The following IQSEC3 variants were observed in gnomAD, a reference collection of about 807,000 sequenced individuals.
IQSEC3 encodes the protein IQ motif and Sec7 domain ArfGEF 3, also known as IQ motif and SEC7 domain-containing protein 3.
IQSEC3 carries 50 observed loss-of-function variants against 105.4 expected under a neutral mutation model. The observed-to-expected ratio is 0.47, with a 90% CI of 0.38 to 0.60. The LOEUF (loss-of-function observed/expected upper bound fraction) is 0.60. Among genes scored for constraint, IQSEC3 ranks in the 20% least tolerant of loss-of-function variants. The probability of loss-of-function intolerance (pLI) is 0.00; values close to 1 mark genes in which losing one functional copy is unlikely to be tolerated. For synonymous variants in IQSEC3, 708 were observed against 746.0 expected, an observed-to-expected ratio of 0.95 and a Z score of 0.83; for missense variants, 1,415 against 1,630.0, an observed-to-expected ratio of 0.87 and a Z score of 2.27.
chr12:140,443 C>T (rs1469702280), intron 4 of IQSEC3: 12 of 152,222 alleles, frequency 7.9e-5, no homozygotes, highest in Admixed American at 7.9e-4. Flanking sequence ...CATGAAAACT[C>T]ATACAGACAC....
intron 13 of IQSEC3, among the ~76,000 whole-genome samples, chr12:174,000 C>T (rs1014834703): frequency 1.3e-5 from 2 of 152,202 alleles, no homozygotes; most frequent in East Asian, 1.9e-4. Flanking sequence ...GCTGACTCTG[C>T]CCTCGGCTGT....
At chr12:112,714 C>T (rs1864932619) in intron 2 of IQSEC3, among the ~76,000 whole-genome samples, 1 of 152,142 alleles carries the variant, frequency 6.6e-6, no homozygotes, top group Non-Finnish European at 1.5e-5. Flanking sequence ...TTCTGCATGG[C>T]CAGGGATGGG....
chr12:77,114 G>A (rs1555069381), intron 1 of IQSEC3, among the ~76,000 whole-genome samples: 2 of 152,254 alleles, frequency 1.3e-5, no homozygotes, highest in Non-Finnish European at 1.5e-5. Context: ...CGTGTTTCCC[G>A]CGCACAGCCC....
chr12:149,646 G>A (rs1336278749), intron 5 of IQSEC3, among the ~76,000 whole-genome samples: 2 of 152,188 alleles, frequency 1.3e-5, no homozygotes, highest in African/African-American at 4.8e-5. Context: ...TAGCCTCGTG[G>A]GGAAGACAGG....
In IQSEC3 at chr12:102,429, G is replaced by A. The variant is rs141299164; in HGVS notation, c.623+3215G>A. ...CCTCCTCTGCAGTCTGGCTAAGGCC[G>A]GCCCCCACTCCAGCTCCGGGGCTGA... On this transcript the variant is annotated intron_variant, in intron 2 of 13. Transcript: ENST00000538872. Among the ~76,000 whole-genome samples, 1,183 of 152,306 alleles carry A rather than the reference G, an allele frequency of 7.8e-3. 3 individuals are homozygous for A. The highest frequency in any genetic ancestry group is 0.01 in the Non-Finnish European group (686 of 68,024).
At chr12:98,178 G>A (rs553545930) in intron 1 of IQSEC3, among the ~76,000 whole-genome samples, 13 of 152,262 alleles carry the variant, frequency 8.5e-5, no homozygotes, top group African/African-American at 2.6e-4. Flanking sequence ...GCAATGGGTC[G>A]GTGTATCTTT....
chr12:75,838 C>T (rs1473748324), intron 1 of IQSEC3, among the ~76,000 whole-genome samples: 1 of 152,266 alleles, frequency 6.6e-6, no homozygotes, highest in African/African-American at 2.4e-5. Flanking sequence ...CTGGGTCCAA[C>T]AGCACAGCTC....
At chr12:88,290 CTT>C (rs1863980162) in intron 1 of IQSEC3, among the ~76,000 whole-genome samples, 1 of 152,168 alleles carries the variant, frequency 6.6e-6, no homozygotes, top group Non-Finnish European at 1.5e-5. Flanking sequence ...CACTGGGCCT[CTT>C]CGGAGTACAA....
chr12:171,042 G>A, intron 12 of IQSEC3, 70 bp from the exon 13 acceptor site: 2 of 1,584,352 alleles, frequency 1.3e-6, no homozygotes, highest in Non-Finnish European at 1.7e-6. Flanking sequence ...GATGCTTGAG[G>A]GGCACAGGGG....
Position 174,764 on chromosome 12 carries a change from C to T in IQSEC3, c.3280C>T (p.Gln1094Ter). 1 of 1,591,254 alleles carries T rather than the reference C, an allele frequency of 6.3e-7. No individual in the cohort carries two copies. Among genetic ancestry groups the T allele is most frequent in the Non-Finnish European group, 8.5e-7 (1 of 1,177,226 alleles). ...PTPPGTLVQC[Q>*]QIVKVIVLDK... is the part of the protein sequence containing the mutation. ...GCCCCCGGGCACCCTGGTGCAGTGC[C>T]AGCAAATTGTCAAGGTCATTGTCCT... Residue 1094 changes from glutamine to a stop codon, truncating the protein, a stop_gained, in exon 14 of 14, where the codon CAG (glutamine) becomes TAG (stop). Coordinates refer to ENST00000538872, the MANE Select transcript of IQSEC3 (RefSeq NM_001170738.2). LOFTEE classifies it high-confidence loss of function.
intron 1 of IQSEC3, among the ~76,000 whole-genome samples, chr12:86,226 G>T (rs1379308117): frequency 1.3e-5 from 2 of 152,184 alleles, no homozygotes; most frequent in East Asian, 1.9e-4. Flanking sequence ...TTGGGGGTGA[G>T]CACAAAACAA....
Position 174,673 on chromosome 12 carries a change from G to A in IQSEC3, c.3189G>A (p.Pro1063=), listed in dbSNP as rs780154834. ...GGGCCGAGAGGGGAGCGCCGGTGCC[G>A]CCGCCAGACCTGCAGCCTAGCCCCC... is the stretch of plus-strand genomic sequence containing the variant. The part of the protein sequence containing the change: ...GLGAERGAPV[P]PPDLQPSPPR... The change falls in exon 14 of 14, where the codon CCG becomes CCA. Residue 1063 remains proline, a synonymous_variant. Coordinates refer to ENST00000538872, the MANE Select transcript of IQSEC3 (RefSeq NM_001170738.2). 1.8e-5 allele frequency: 29 copies of A among 1,589,458 alleles called. No homozygotes were observed. The highest frequency in any genetic ancestry group is 6.8e-5 in the Admixed American group (4 of 58,906).
At chr12:104,820 C>G (rs1864588621) in intron 2 of IQSEC3, among the ~76,000 whole-genome samples, 1 of 152,270 alleles carries the variant, frequency 6.6e-6, no homozygotes, top group Non-Finnish European at 1.5e-5. Flanking sequence ...TCTGCCTCTC[C>G]TGCCTCTTTC....
chr12:68,105 C>A (rs1863170746), intron 1 of IQSEC3, among the ~76,000 whole-genome samples: 1 of 150,852 alleles, frequency 6.6e-6, no homozygotes, highest in Non-Finnish European at 1.5e-5. Context: ...TCTTCTCTGA[C>A]CTGATTGGAC....
intron 3 of IQSEC3, among the ~76,000 whole-genome samples, chr12:129,120 G>GTGTT (rs1865508400): frequency 6.6e-6 from 1 of 152,218 alleles, no homozygotes; most frequent in African/African-American, 2.4e-5. Context: ...CCCATTGCCT[G>GTGTT]TTGCCTCCTC....
chr12:157,743 C>T (rs782657368), intron 7 of IQSEC3, 49 bp downstream of exon 7: 1 of 1,571,674 alleles, frequency 6.4e-7, no homozygotes, highest in South Asian at 1.2e-5. Context: ...CGGCTCAGGC[C>T]CCATTCTGTG....
intron 13 of IQSEC3, among the ~76,000 whole-genome samples, chr12:174,190 C>T (rs1939149802): frequency 6.6e-6 from 1 of 152,142 alleles, no homozygotes; most frequent in Admixed American, 6.5e-5. Flanking sequence ...TTGGCTCTGT[C>T]CCTGGGTCTG....
chr12:88,671 G>GT (rs1555072660), intron 1 of IQSEC3, among the ~76,000 whole-genome samples: 2 of 152,146 alleles, frequency 1.3e-5, no homozygotes, highest in Non-Finnish European at 2.9e-5. Context: ...TGGAACAGCT[G>GT]TAACTGCTTG....
rs782597159 is a variant in IQSEC3, at chr12:157,513, C to T, written c.2277-15C>T. 8 of 1,604,856 alleles carry T rather than the reference C, an allele frequency of 5.0e-6. No individual in the cohort carries two copies. The South Asian group carries it at 9.0e-5, about 18-fold the overall frequency. ...CGGGGGCTCAGCGTCCGCTCTGCAT[C>T]TGACCCCCCCACAGCCAGCGCTACT... On this transcript the variant is annotated splice_polypyrimidine_tract_variant and intron_variant, in intron 6 of 13. Transcript: ENST00000538872.
Sources: gnomAD v4.1 joint callset for allele counts (sites outside exome capture counted in the v4.1 genomes callset) on GRCh38, gnomAD v4.1.1 for gene constraint, MANE v1.5 for transcripts, NCBI Gene and HGNC (gene_info 2026-07-23, HGNC 2026-07-21) for gene names.